CFAP44: variants seen among roughly 807,000 people sequenced by gnomAD.
The protein encoded by CFAP44 is cilia and flagella associated protein 44.
CFAP44 carries 134 observed loss-of-function variants against 216.2 expected under a neutral mutation model. That is an observed-to-expected ratio of 0.62 (90% CI 0.54 to 0.72). The LOEUF (loss-of-function observed/expected upper bound fraction) is 0.72. Ranked by LOEUF, CFAP44 falls within the 30% of genes least tolerant of loss-of-function variation. The pLI is 0.00. For missense variants in CFAP44, 2,035 were observed against 2,182.1 expected (o/e 0.93, Z 1.34); for synonymous variants, 700 against 727.6 (o/e 0.96, Z 0.61).
chr3:113,341,645 T>C, intron 24 of CFAP44, 99 bp downstream of exon 24: 1 of 1,231,440 alleles, frequency 8.1e-7, no homozygotes, highest in East Asian at 2.9e-5. Context: ...CTTTTGATTT[T>C]AAATGATAAC....
At chr3:113,294,304 A>G (rs1949859178) in intron 34 of CFAP44, 2 of 291,728 alleles carry the variant, frequency 6.9e-6, no homozygotes, top group South Asian at 3.3e-5. Flanking sequence ...AACAGGGTAG[A>G]TTTCACCACT....
At chr3:113,419,915 CT>C in intron 5 of CFAP44, 101 bp downstream of exon 5, 1 of 1,219,184 alleles carries the variant, frequency 8.2e-7, no homozygotes, top group African/African-American at 1.5e-5. Flanking sequence ...ACCCACAATA[CT>C]GTGCATGGTG....
chr3:113,316,620 G>A (rs189867330), intron 28 of CFAP44, among the ~76,000 whole-genome samples: 27 of 152,102 alleles, frequency 1.8e-4, no homozygotes, highest in Non-Finnish European at 3.4e-4. Context: ...TGTAATCCTA[G>A]CACTTTGAGA....
intron 24 of CFAP44, among the ~76,000 whole-genome samples, chr3:113,340,639 G>A (rs928022416): frequency 6.6e-6 from 1 of 152,198 alleles, no homozygotes; most frequent in Non-Finnish European, 1.5e-5. Context: ...GCAGGCTGTG[G>A]GGCTCCGACC....
chr3:113,395,431 T>C (rs565946254), intron 15 of CFAP44, among the ~76,000 whole-genome samples: 161 of 152,300 alleles, frequency 1.1e-3, no homozygotes, highest in African/African-American at 3.5e-3. Flanking sequence ...GGTGAAAGCA[T>C]TTCGACATGC....
intron 4 of CFAP44, 166 bp downstream of exon 4, chr3:113,425,958 C>T: frequency 1.3e-6 from 1 of 763,934 alleles, no homozygotes; most frequent in Non-Finnish European, 2.1e-6. Context: ...TGATGGCAGC[C>T]ATAATAAACA....
intron 28 of CFAP44, 77 bp downstream of exon 28, chr3:113,326,368 T>G (rs3732810): frequency 0.069 from 91,305 of 1,326,730 alleles, 3,936 homozygotes; most frequent in East Asian, 0.17. Flanking sequence ...ATAAGGTATC[T>G]AATAGGTCCC....
rs1170350603 is a variant in CFAP44 at position 113,290,016 on chromosome 3, G to A, written c.*1541C>T. On this transcript the variant is annotated 3_prime_UTR_variant, in exon 35 of 35. Coordinates refer to ENST00000393845, the MANE Select transcript of CFAP44 (RefSeq NM_001164496.2). Reference sequence around the variant, plus strand: ...CCGGCCAAGCTGTCCCCAGATTCCTGGACCTCAGAAACCCTCTCACTCCTG... The same window carrying A: ...CCGGCCAAGCTGTCCCCAGATTCCTAGACCTCAGAAACCCTCTCACTCCTG... 2 of 152,210 alleles carry A rather than the reference G, an allele frequency of 1.3e-5. No homozygotes were observed. The highest frequency in any genetic ancestry group is 3.8e-4 in the East Asian group (2 of 5,196). The allele number at this position is 152,210 out of a possible 1,614,324, so 9.4% of individuals were successfully genotyped here. A position where few individuals can be genotyped will look rare whatever the true frequency, so the allele number is the denominator to read the frequency against.
Position 113,399,919 on chromosome 3 carries a change from C to A in CFAP44, c.1556G>T (p.Trp519Leu). 1 of 1,582,086 alleles carries A rather than the reference C, an allele frequency of 6.3e-7. No individual in the cohort carries two copies. Among genetic ancestry groups the A allele is most frequent in the South Asian group, 1.2e-5 (1 of 83,292 alleles). ...KFKQGGTALV[W>L]VPRMVNFTGA... Reference sequence around the variant, plus strand: ...CAACAAACTTACCATTCGGGGTACCCAAACAAGGGCAGTACCTCCTTGTTT... The same window carrying A: ...CAACAAACTTACCATTCGGGGTACCAAAACAAGGGCAGTACCTCCTTGTTT... The change falls in exon 13 of 35, where the codon TGG (tryptophan) becomes TTG (leucine). Residue 519 changes from tryptophan to leucine, a missense_variant. Physicochemically the swap from Trp to Leu is moderately conservative, Grantham distance 61. Transcript: ENST00000393845.
chr3:113,418,350 G>C (rs548793361), intron 5 of CFAP44, among the ~76,000 whole-genome samples: 1 of 152,122 alleles, frequency 6.6e-6, no homozygotes, highest in Non-Finnish European at 1.5e-5. Context: ...GCCTCCCAAA[G>C]TGCCATGATT....
intron 22 of CFAP44, among the ~76,000 whole-genome samples, chr3:113,357,083 C>G (rs1329726882): frequency 1.3e-5 from 2 of 152,090 alleles, no homozygotes; most frequent in Non-Finnish European, 2.9e-5. Flanking sequence ...CACCTAACAA[C>G]AGAAAATATA....
At chr3:113,374,346 G>A (rs546715769) in intron 17 of CFAP44, among the ~76,000 whole-genome samples, 11 of 149,522 alleles carry the variant, frequency 7.4e-5, no homozygotes, top group Non-Finnish European at 1.3e-4. Context: ...TTACTCCCTG[G>A]AGCAACTGTC....
intron 31 of CFAP44, 125 bp from the exon 32 acceptor site, chr3:113,304,242 G>GTCT: frequency 1.1e-6 from 1 of 939,530 alleles, no homozygotes. Context: ...GGGCTTCTAC[G>GTCT]TCTTCCTTAC....
At position 113,363,564 on chromosome 3, in the gene CFAP44, T is replaced by C; in HGVS notation, c.2716-32A>G. 3 of 1,538,998 alleles carry C rather than the reference T, an allele frequency of 1.9e-6. No homozygotes were observed. In the South Asian group the frequency reaches 3.9e-5, roughly 20 times the overall value. The stretch of plus-strand genomic sequence containing the variant: ...GAAGGGAAGTAAAAGGTTAGCCCTT[T>C]AAAATTGCATAGCATTTTCCTTAAA... On this transcript the variant is annotated intron_variant, in intron 19 of 34. Coordinates refer to ENST00000393845, the MANE Select transcript of CFAP44 (RefSeq NM_001164496.2).
chr3:113,419,692 T>C (rs1183708822), intron 5 of CFAP44, among the ~76,000 whole-genome samples: 19 of 152,200 alleles, frequency 1.2e-4, no homozygotes, highest in Middle Eastern at 3.2e-3. Context: ...TAAGATTCTT[T>C]AAAATCTCCT....
chr3:113,339,220 T>A (rs1459108767), intron 24 of CFAP44, among the ~76,000 whole-genome samples: 1 of 151,962 alleles, frequency 6.6e-6, no homozygotes, highest in African/African-American at 2.4e-5. Context: ...TATGAGAGGT[T>A]TTTCCTCCAG....
intron 34 of CFAP44, chr3:113,294,310 C>A: frequency 3.4e-6 from 1 of 292,066 alleles, no homozygotes; most frequent in Non-Finnish European, 6.6e-6. Flanking sequence ...GTAGATTTCA[C>A]CACTCAAGAT....
chr3:113,333,264 T>C (rs1192667628), intron 25 of CFAP44, 142 bp downstream of exon 25: 2 of 743,330 alleles, frequency 2.7e-6, no homozygotes, highest in African/African-American at 3.6e-5. Flanking sequence ...ACATTCTAGA[T>C]AATCATGGAA....
intron 15 of CFAP44, 96 bp from the exon 16 acceptor site, chr3:113,381,156 TAGCCATG>T: frequency 1.2e-6 from 1 of 866,524 alleles, no homozygotes; most frequent in Non-Finnish European, 1.6e-6. Flanking sequence ...CTATGTATAT[TAGCCATG>T]TTTAAAACAC....
Sources: allele counts gnomAD v4.1 joint callset (sites outside exome capture counted in the v4.1 genomes callset), GRCh38; gene constraint gnomAD v4.1.1; transcripts MANE v1.5; gene names NCBI Gene and HGNC (gene_info 2026-07-23, HGNC 2026-07-21).